EML1: variants seen among roughly 807,000 people sequenced by gnomAD.
EML1 encodes the protein EMAP like 1.
In EML1, 27 loss-of-function variants were observed where a neutral mutation model predicts 110.4. The observed-to-expected ratio is 0.24, with a 90% CI of 0.18 to 0.34. The LOEUF (loss-of-function observed/expected upper bound fraction) is 0.34, where lower values mean the gene tolerates loss of function less well. Among genes scored for constraint, EML1 ranks in the 10% least tolerant of loss-of-function variants. The pLI is 1.00. For missense variants in EML1, 741 were observed against 1,030.9 expected (o/e 0.72, Z 3.85); for synonymous variants, 344 against 385.8 (o/e 0.89, Z 1.27).
At chr14:99,911,247 C>T (rs2059940937) in intron 12 of EML1, among the ~76,000 whole-genome samples, 175 bp from the exon 13 acceptor site, 1 of 152,208 alleles carries the variant, frequency 6.6e-6, no homozygotes, top group Non-Finnish European at 1.5e-5. Context: ...TAACCCATTT[C>T]ATGCTTGTCT....
At position 99,905,779 on chromosome 14, in the gene EML1, A is replaced by G. The variant is rs1396999820; in HGVS notation, c.1009-1859A>G. On this transcript the variant is annotated intron_variant, in intron 9 of 21. Coordinates refer to ENST00000262233, the MANE Select transcript of EML1 (RefSeq NM_004434.3). This position sits in a 1 kb window ranked among gnomAD's most constrained non-coding sequence, Gnocchi z 4.1. ...ACCTCTAACCCCCTAAATCTTAGGAAGGACTCTAACCTTCCTAAGTTGGGC... is the reference window on the plus strand; with the variant it reads ...ACCTCTAACCCCCTAAATCTTAGGAGGGACTCTAACCTTCCTAAGTTGGGC... 2.6e-5 allele frequency among the ~76,000 whole-genome samples: 4 copies of G among 152,138 alleles called. No individual in the cohort carries two copies. Among genetic ancestry groups the G allele is most frequent in the African/African-American group, 4.8e-5 (2 of 41,446 alleles).
chr14:99,937,866 C>T lies in EML1; in HGVS notation c.2145C>T (p.Asp715=), dbSNP rs1160267055. 8 of 1,614,178 alleles carry T rather than the reference C, an allele frequency of 5.0e-6. No individual in the cohort carries two copies. The highest frequency in any genetic ancestry group is 5.9e-6 in the Non-Finnish European group (7 of 1,179,986). The change falls in exon 20 of 22, where the codon GAC becomes GAT. Residue 715 remains aspartate, a synonymous_variant. Transcript: ENST00000262233. ...KQVVSVETTR[D]IEWATYTCTL... is the part of the protein sequence containing the mutation. ...TCGTAAGTGTGGAAACTACAAGAGA[C>T]ATTGAATGGGCTACCTATACCTGCA... is the stretch of plus-strand genomic sequence containing the variant.
At position 99,838,817 on chromosome 14, in the gene EML1, G is replaced by A. The variant is rs75933154; in HGVS notation, c.68-12036G>A. ...CTTGTTTGCTTTAAAACTGTAAAGT[G>A]GAGTGGGGGAAAGCTATCAACAATC... On this transcript the variant is annotated intron_variant, in intron 1 of 21. Coordinates refer to ENST00000262233, the MANE Select transcript of EML1 (RefSeq NM_004434.3). Among the ~76,000 whole-genome samples the A allele has an allele frequency of 4.0e-4, 61 of 152,204 alleles. No homozygotes were observed. The East Asian group carries it at 0.011, about 28-fold the overall frequency.
intron 1 of EML1, chr14:99,809,379 A>G (rs2058036197): frequency 5.6e-6 from 1 of 178,258 alleles, no homozygotes; most frequent in African/African-American, 2.4e-5. Flanking sequence ...TCAAAGCACA[A>G]TCTGCTGTAT....
intron 5 of EML1, among the ~76,000 whole-genome samples, chr14:99,893,029 G>A (rs2059614148): frequency 6.6e-6 from 1 of 152,116 alleles, no homozygotes; most frequent in Non-Finnish European, 1.5e-5. Flanking sequence ...TTATATTTGG[G>A]TGAGGTTTAA....
rs2059945676 is a variant in EML1 at position 99,911,484 on chromosome 14, A to G, written c.1402A>G (p.Met468Val). 6.2e-7 allele frequency: 1 copy of G among 1,612,982 alleles called. No homozygotes were observed. Among genetic ancestry groups the G allele is most frequent in the African/African-American group, 1.3e-5 (1 of 74,986 alleles). Residue 468 changes from methionine to valine, a missense_variant, in exon 13 of 22, where the codon ATG (methionine) becomes GTG (valine). Met to Val is a conservative substitution (Grantham distance 21). Coordinates refer to ENST00000262233, the MANE Select transcript of EML1 (RefSeq NM_004434.3). ...AHEGGIFALC[M>V]LRDGTLVSGG... ...TGAGGGTGGCATTTTTGCACTTTGT[A>G]TGTTAAGAGATGGCACACTGGTGTC... is the stretch of plus-strand genomic sequence containing the variant.
chr14:99,936,601 G>C lies in EML1; in HGVS notation c.2095+267G>C, dbSNP rs375831673. 6.6e-6 allele frequency among the ~76,000 whole-genome samples: 1 copy of C among 152,314 alleles called. No homozygotes were observed. Among genetic ancestry groups the C allele is most frequent in the Non-Finnish European group, 1.5e-5 (1 of 68,022 alleles). On this transcript the variant is annotated intron_variant, in intron 19 of 21. Transcript: ENST00000262233. This position sits in a 1 kb window ranked among gnomAD's most constrained non-coding sequence, Gnocchi z 5.5. ...AAGAAGGCCAAGCCCTGCAGAGGGGGGCTTGGGGCAGGCGGATGTGGCAGA... is the reference window on the plus strand; with the variant it reads ...AAGAAGGCCAAGCCCTGCAGAGGGGCGCTTGGGGCAGGCGGATGTGGCAGA...
Position 99,894,626 on chromosome 14 carries a change from T to C in EML1, c.548-3T>C. ...CTTACTGAAATCTTTGTTCTTTTTG[T>C]AGAAGAAGGCTATGTAAAAATGTTT... On this transcript the variant is annotated splice_polypyrimidine_tract_variant and splice_region_variant and intron_variant, in intron 5 of 21. Transcript: ENST00000262233. The C allele has an allele frequency of 1.2e-6, 2 of 1,610,110 alleles. No homozygotes were observed. The highest frequency in any genetic ancestry group is 1.7e-6 in the Non-Finnish European group (2 of 1,178,596).
At chr14:99,899,051 GC>G (rs1213110331) in intron 8 of EML1, among the ~76,000 whole-genome samples, 2 of 152,172 alleles carry the variant, frequency 1.3e-5, no homozygotes, top group Non-Finnish European at 2.9e-5. Context: ...AGTCACAAAA[GC>G]TACTAGGAGG....
chr14:99,747,869 A>G (rs547688527), intron 1 of EML1, among the ~76,000 whole-genome samples: 74 of 152,276 alleles, frequency 4.9e-4, no homozygotes, highest in South Asian at 1.7e-3. Context: ...CACCTTAGAC[A>G]CTTGGAAAGC....
At chr14:99,913,035 T>A (rs2059971084) in intron 13 of EML1, among the ~76,000 whole-genome samples, 1 of 152,262 alleles carries the variant, frequency 6.6e-6, no homozygotes, top group Non-Finnish European at 1.5e-5. Context: ...TAGCAAATTG[T>A]TCTTAATGGG....
At chr14:99,878,270 G>A (rs2139934877) in intron 3 of EML1, among the ~76,000 whole-genome samples, 2 of 152,250 alleles carry the variant, frequency 1.3e-5, no homozygotes, top group African/African-American at 4.8e-5. Flanking sequence ...CTCCATGACT[G>A]TGAACTGTGC....
rs1304572584 is a variant in EML1, at chr14:99,784,131, C to T, written c.-27+10118C>T. 2.6e-5 allele frequency among the ~76,000 whole-genome samples: 4 copies of T among 152,120 alleles called. No individual in the cohort carries two copies. The highest frequency in any genetic ancestry group is 4.4e-5 in the Non-Finnish European group (3 of 68,036). On this transcript the variant is annotated intron_variant, in intron 1 of 22. Coordinates refer to the EML1 transcript ENST00000327921. This position sits in a 1 kb window ranked among gnomAD's most constrained non-coding sequence, Gnocchi z 4.5. Reference sequence around the variant, plus strand: ...TTTGAGATAGGATCTTGCTCTGTCGCCCAGGCTGGAGTGCAGTGGCACGAT... The same window carrying T: ...TTTGAGATAGGATCTTGCTCTGTCGTCCAGGCTGGAGTGCAGTGGCACGAT...
chr14:99,756,906 C>T (rs752471612), intron 1 of EML1, among the ~76,000 whole-genome samples: 2 of 152,218 alleles, frequency 1.3e-5, no homozygotes, highest in Non-Finnish European at 2.9e-5. Flanking sequence ...CGCGTATACA[C>T]TCATCTGCAT....
At chr14:99,848,893 G>A (rs945991192) in intron 1 of EML1, among the ~76,000 whole-genome samples, 2 of 151,450 alleles carry the variant, frequency 1.3e-5, no homozygotes, top group African/African-American at 4.9e-5. Context: ...AGCCTAGGGA[G>A]TGAAGGCTGC....
intron 3 of EML1, among the ~76,000 whole-genome samples, chr14:99,872,881 GTA>G (rs140733675): frequency 0.018 from 2,790 of 152,276 alleles, 72 homozygotes; most frequent in African/African-American, 0.062. Flanking sequence ...GTGTGGATGG[GTA>G]TATGTTTGTT....
At chr14:99,747,372 C>T (rs1458117874) in intron 1 of EML1, among the ~76,000 whole-genome samples, 5 of 151,840 alleles carry the variant, frequency 3.3e-5, no homozygotes, top group African/African-American at 9.7e-5. Flanking sequence ...TGGCACAGAT[C>T]GGCTCCAGAT....
At position 99,939,172 on chromosome 14, in the gene EML1, G is replaced by C. The variant is rs1468027263; in HGVS notation, c.2192-25G>C. ...CCCTGTGGCCCCTGGTGTTTCCAGC[G>C]CCCTGTTTGTGGTCTTTGTTTTAGG... On this transcript the variant is annotated intron_variant, in intron 20 of 21. Coordinates refer to ENST00000262233, the MANE Select transcript of EML1 (RefSeq NM_004434.3). The surrounding 1 kb of genome is among the most constrained non-coding windows in gnomAD (Gnocchi z 4.2). 1 of 1,612,720 alleles carries C rather than the reference G, an allele frequency of 6.2e-7. No individual in the cohort carries two copies.
intron 1 of EML1, among the ~76,000 whole-genome samples, chr14:99,812,993 G>T (rs1182412612): frequency 6.6e-6 from 1 of 152,138 alleles, no homozygotes; most frequent in Non-Finnish European, 1.5e-5. Context: ...GTTCCACACT[G>T]CGTAACCTCC....
Sources: allele counts gnomAD v4.1 joint callset (sites outside exome capture counted in the v4.1 genomes callset), GRCh38; gene constraint gnomAD v4.1.1; non-coding constraint Gnocchi (gnomAD v3.1); transcripts MANE v1.5; gene names NCBI Gene and HGNC (gene_info 2026-07-23, HGNC 2026-07-21).